The following MVB12B variants were observed in gnomAD, a reference collection of about 807,000 sequenced individuals.
MVB12B encodes ESCRT-I complex subunit MVB12B.
In MVB12B, 16 loss-of-function variants were observed where a neutral mutation model predicts 41.6. The observed-to-expected ratio is 0.38, with a 90% confidence interval of 0.26 to 0.58. MVB12B has a LOEUF of 0.58. Among genes scored for constraint, MVB12B ranks in the 20% least tolerant of loss-of-function variants. MVB12B has a pLI of 0.62. For synonymous variants in MVB12B, 133 were observed against 139.7 expected, an observed-to-expected ratio of 0.95 and a Z score of 0.34; for missense variants, 274 against 380.2, an observed-to-expected ratio of 0.72 and a Z score of 2.32.
At chr9:126,420,975 C>G (rs1267201990) in intron 6 of MVB12B, among the ~76,000 whole-genome samples, 1 of 152,134 alleles carries the variant, frequency 6.6e-6, no homozygotes, top group African/African-American at 2.4e-5. Context: ...TCGGAAATGT[C>G]CGGGTGTGGC....
chr9:126,496,202 T>TCCCC (rs1833827931), intron 9 of MVB12B, among the ~76,000 whole-genome samples: 2 of 19,482 alleles, frequency 1.0e-4, no homozygotes, highest in African/African-American at 2.1e-4. Context: ...CCCACCCACC[T>TCCCC]ACCCACCCGT....
Position 126,459,746 on chromosome 9 carries a change from G to A in MVB12B, c.758-21623G>A, listed in dbSNP as rs1177349710. 3.3e-5 allele frequency among the ~76,000 whole-genome samples: 5 copies of A among 152,092 alleles called. No individual in the cohort carries two copies. Among genetic ancestry groups the A allele is most frequent in the Admixed American group, 6.5e-5 (1 of 15,270 alleles). Reference sequence around the variant, plus strand: ...TTGTTACAGCGCTCACAGGGGCCGCGCTCACCTGCACCCATCCTTGCCTGC... The same window carrying A: ...TTGTTACAGCGCTCACAGGGGCCGCACTCACCTGCACCCATCCTTGCCTGC... On this transcript the variant is annotated intron_variant, in intron 7 of 9. Coordinates refer to ENST00000361171, the MANE Select transcript of MVB12B (RefSeq NM_033446.3). The surrounding 1 kb of genome is among the most constrained non-coding windows in gnomAD (Gnocchi z 4.3).
At chr9:126,355,867 C>T (rs1829866560) in intron 2 of MVB12B, among the ~76,000 whole-genome samples, 1 of 152,110 alleles carries the variant, frequency 6.6e-6, no homozygotes, top group South Asian at 2.1e-4. Context: ...GTTGAACAAC[C>T]ACCACCTCTA....
intron 7 of MVB12B, among the ~76,000 whole-genome samples, chr9:126,430,575 T>TA (rs1832304419): frequency 1.5e-5 from 2 of 137,000 alleles, no homozygotes; most frequent in African/African-American, 2.6e-5. Flanking sequence ...GAGGCTCCCC[T>TA]CTTTTTTTTT....
intron 7 of MVB12B, among the ~76,000 whole-genome samples, chr9:126,441,561 C>A (rs996908558): frequency 6.6e-6 from 1 of 152,152 alleles, no homozygotes; most frequent in Non-Finnish European, 1.5e-5. Context: ...CTGGGGCTAT[C>A]GTTTCTTAAC....
intron 7 of MVB12B, 150 bp downstream of exon 7, chr9:126,422,098 T>C: frequency 1.7e-6 from 1 of 597,004 alleles, no homozygotes; most frequent in South Asian, 1.9e-5. Context: ...GGACCAGGCC[T>C]TCCCTTTCCT....
chr9:126,341,626 A>G (rs1829447337), intron 2 of MVB12B, among the ~76,000 whole-genome samples: 1 of 152,208 alleles, frequency 6.6e-6, no homozygotes, highest in Non-Finnish European at 1.5e-5. Context: ...GGGTTTCCCA[A>G]CTTCAGCACT....
chr9:126,361,262 A>G (rs1007936605), intron 2 of MVB12B, among the ~76,000 whole-genome samples: 1 of 151,906 alleles, frequency 6.6e-6, no homozygotes, highest in African/African-American at 2.4e-5. Flanking sequence ...TTTTGAGTCT[A>G]TACCATGTAT....
At chr9:126,349,897 G>A (rs1245801395) in intron 2 of MVB12B, among the ~76,000 whole-genome samples, 1 of 152,174 alleles carries the variant, frequency 6.6e-6, no homozygotes, top group Non-Finnish European at 1.5e-5. Context: ...GGGTCACATG[G>A]TAGTTGCATG....
chr9:126,359,893 C>T (rs1257112856), intron 2 of MVB12B, among the ~76,000 whole-genome samples: 1 of 152,014 alleles, frequency 6.6e-6, no homozygotes, highest in African/African-American at 2.4e-5. Flanking sequence ...TCTCAAAGAA[C>T]CAGCTTTTGG....
chr9:126,328,496 C>T (rs1036598550), intron 1 of MVB12B, among the ~76,000 whole-genome samples: 1 of 152,162 alleles, frequency 6.6e-6, no homozygotes, highest in African/African-American at 2.4e-5. Context: ...AGAATTAGCC[C>T]TCAGCTTAAG....
At chr9:126,452,131 A>T (rs2119161719) in intron 7 of MVB12B, among the ~76,000 whole-genome samples, 1 of 152,354 alleles carries the variant, frequency 6.6e-6, no homozygotes, top group Middle Eastern at 3.4e-3. Flanking sequence ...AGATGAAAAA[A>T]GGAAGAATGT....
At chr9:126,500,043 C>G (rs569983042) in intron 9 of MVB12B, among the ~76,000 whole-genome samples, 1 of 152,298 alleles carries the variant, frequency 6.6e-6, no homozygotes, top group South Asian at 2.1e-4. Context: ...CCTGCTCCCC[C>G]GCTCACCATC....
At chr9:126,346,270 A>G (rs893328434) in intron 2 of MVB12B, among the ~76,000 whole-genome samples, 2 of 152,162 alleles carry the variant, frequency 1.3e-5, no homozygotes, top group African/African-American at 4.8e-5. Flanking sequence ...GGCTATTGAC[A>G]ATGGACATGT....
At chr9:126,498,267 G>A (rs145248826) in intron 9 of MVB12B, among the ~76,000 whole-genome samples, 7 of 152,022 alleles carry the variant, frequency 4.6e-5, no homozygotes, top group African/African-American at 1.2e-4. Flanking sequence ...GTGCTGAGCC[G>A]GGGGGGCTTG....
intron 7 of MVB12B, among the ~76,000 whole-genome samples, chr9:126,446,392 A>G (rs1254207118): frequency 1.3e-5 from 2 of 151,866 alleles, no homozygotes; most frequent in African/African-American, 4.8e-5. Context: ...CATTTATATA[A>G]GTAAGATTAG....
intron 3 of MVB12B, among the ~76,000 whole-genome samples, chr9:126,382,154 A>AGG (rs1338034504): frequency 6.6e-6 from 1 of 151,214 alleles, no homozygotes; most frequent in African/African-American, 2.4e-5. Context: ...ACAGCATGAA[A>AGG]GGGGGAGAGC....
chr9:126,429,462 T>C (rs1284257459), intron 7 of MVB12B, among the ~76,000 whole-genome samples: 1 of 152,168 alleles, frequency 6.6e-6, no homozygotes, highest in Non-Finnish European at 1.5e-5. Flanking sequence ...TGATTAAACC[T>C]TCCGTCACTT....
intron 7 of MVB12B, among the ~76,000 whole-genome samples, chr9:126,461,724 A>G (rs1833094523): frequency 6.6e-6 from 1 of 151,936 alleles, no homozygotes; most frequent in Non-Finnish European, 1.5e-5. Context: ...AAACCGAGAA[A>G]GGGAACCCAG....
Sources: gnomAD v4.1 joint callset for allele counts (sites outside exome capture counted in the v4.1 genomes callset) on GRCh38, gnomAD v4.1.1 for gene constraint, Gnocchi (gnomAD v3.1) non-coding constraint, MANE v1.5 for transcripts, NCBI Gene and HGNC (gene_info 2026-07-23, HGNC 2026-07-21) for gene names.